TENM3: variants seen among roughly 807,000 people sequenced by gnomAD.
TENM3 encodes the protein teneurin-3.
Under a neutral mutation model 255.1 loss-of-function variants are expected in TENM3, and 63 were observed. The ratio of observed to expected loss-of-function variants is 0.25; its 90% confidence interval spans 0.20 to 0.30. The LOEUF is 0.30. Ranked by LOEUF, TENM3 falls within the 10% of genes least tolerant of loss-of-function variation. The pLI is 1.00. For synonymous variants in TENM3, 1,306 were observed against 1,322.3 expected (o/e 0.99, Z 0.27); for missense variants, 2,929 against 3,461.1 (o/e 0.85, Z 3.86).
At chr4:182,213,796 T>C (rs1446467251) in intron 1 of TENM3, among the ~76,000 whole-genome samples, 3 of 152,192 alleles carry the variant, frequency 2.0e-5, no homozygotes, top group African/African-American at 7.2e-5. Flanking sequence ...AGCTTTTATT[T>C]ATTTTTCATG....
At chr4:182,561,237 T>C (rs951685243) in intron 3 of TENM3, among the ~76,000 whole-genome samples, 6 of 151,930 alleles carry the variant, frequency 3.9e-5, no homozygotes, top group Non-Finnish European at 8.8e-5. Flanking sequence ...TTATTAAAAA[T>C]TGTATTTATG....
At chr4:181,863,025 T>G in the TENM3 span, among the ~76,000 whole-genome samples, 1 of 152,174 alleles carries the variant, frequency 6.6e-6, no homozygotes, top group African/African-American at 2.4e-5. Flanking sequence ...AAAATGTTAA[T>G]ACTTTTGGGG....
the TENM3 span, among the ~76,000 whole-genome samples, chr4:181,568,588 A>G: frequency 1.3e-5 from 2 of 152,124 alleles, no homozygotes; most frequent in African/African-American, 4.8e-5. Context: ...AACCCCAAGC[A>G]AACTCCTCAG....
chr4:182,508,245 G>A (rs1411372277), intron 3 of TENM3, among the ~76,000 whole-genome samples: 1 of 152,134 alleles, frequency 6.6e-6, no homozygotes, highest in Non-Finnish European at 1.5e-5. Flanking sequence ...GATGGTTTTT[G>A]GAAGGCTCAC....
chr4:181,699,472 A>AAAAAAAAAAAAAAAAAAT, the TENM3 span, among the ~76,000 whole-genome samples: 3 of 133,000 alleles, frequency 2.3e-5, no homozygotes, highest in Admixed American at 7.9e-5. Context: ...AAAAAAAAAA[A>AAAAAAAAAAAAAAAAAAT]GAAAGAAAGA....
intron 1 of TENM3, among the ~76,000 whole-genome samples, chr4:182,171,899 A>C (rs746397667): frequency 6.7e-6 from 1 of 150,258 alleles, no homozygotes; most frequent in Non-Finnish European, 1.5e-5. Context: ...AAAATATTTA[A>C]ATTTTCTGTA....
chr4:182,100,040 T>C, the TENM3 span, among the ~76,000 whole-genome samples: 355 of 152,248 alleles, frequency 2.3e-3, 1 homozygote, highest in African/African-American at 7.9e-3. Context: ...GTAAATCAAC[T>C]GCAGGTAAGT....
At chr4:182,636,413 T>C (rs1269878924) in intron 5 of TENM3, among the ~76,000 whole-genome samples, 1 of 152,158 alleles carries the variant, frequency 6.6e-6, no homozygotes, top group Non-Finnish European at 1.5e-5. Flanking sequence ...TAGTTTGATA[T>C]GAGGTCAGCT....
the TENM3 span, among the ~76,000 whole-genome samples, chr4:181,904,072 T>C: frequency 6.6e-6 from 1 of 152,172 alleles, no homozygotes; most frequent in Non-Finnish European, 1.5e-5. Context: ...AGTTGAAAAC[T>C]GAGCTCTTGA....
the TENM3 span, among the ~76,000 whole-genome samples, chr4:181,609,637 T>C: frequency 6.6e-6 from 1 of 152,276 alleles, no homozygotes. Context: ...AATGACCACA[T>C]ATGTTGTGCA....
intron 3 of TENM3, among the ~76,000 whole-genome samples, chr4:182,559,000 T>A (rs1208037788): frequency 6.6e-6 from 1 of 152,200 alleles, no homozygotes; most frequent in East Asian, 1.9e-4. Flanking sequence ...TGCAATTCCA[T>A]TGGCATCATA....
chr4:182,567,529 T>A (rs923651190), intron 3 of TENM3, among the ~76,000 whole-genome samples: 1 of 152,144 alleles, frequency 6.6e-6, no homozygotes, highest in Non-Finnish European at 1.5e-5. Flanking sequence ...TCCTGTTACC[T>A]CTGAACCTCC....
At chr4:182,293,104 A>G (rs1053297867) in intron 1 of TENM3, among the ~76,000 whole-genome samples, 4 of 152,194 alleles carry the variant, frequency 2.6e-5, no homozygotes, top group African/African-American at 7.2e-5. Flanking sequence ...CCACAACCCT[A>G]TGGGTTAGGT....
At chr4:182,446,174 C>A (rs2151285565) in intron 3 of TENM3, among the ~76,000 whole-genome samples, 1 of 152,330 alleles carries the variant, frequency 6.6e-6, no homozygotes, top group Non-Finnish European at 1.5e-5. Flanking sequence ...TGCTACTGCT[C>A]AGCTTCGTTC....
intron 3 of TENM3, among the ~76,000 whole-genome samples, chr4:182,385,819 TATC>T (rs1285595855): frequency 6.6e-6 from 1 of 152,226 alleles, no homozygotes; most frequent in African/African-American, 2.4e-5. Flanking sequence ...TGTTTTAAAT[TATC>T]ATATGAGATA....
chr4:182,545,891 C>A (rs1328846203), intron 3 of TENM3, among the ~76,000 whole-genome samples: 1 of 152,138 alleles, frequency 6.6e-6, no homozygotes, highest in Non-Finnish European at 1.5e-5. Context: ...AGTCAAAATT[C>A]CTCATGTAAC....
intron 1 of TENM3, among the ~76,000 whole-genome samples, chr4:182,301,549 A>C (rs776135970): frequency 6.6e-6 from 1 of 152,212 alleles, no homozygotes; most frequent in Non-Finnish European, 1.5e-5. Context: ...CTCATGAATA[A>C]TCAGTTAAAT....
rs375090823 is a variant in TENM3, at chr4:182,793,734, A to T, written c.7062A>T (p.Glu2354Asp). Reference protein sequence around the residue: ...DPLTKLIHFGERDYDILAGRW... With the variant: ...DPLTKLIHFGDRDYDILAGRW... ...TCACCAAATTAATCCACTTTGGAGA[A>T]AGAGATTATGACATTTTGGCAGGAC... is the stretch of plus-strand genomic sequence containing the variant. Residue 2354 changes from glutamate to aspartate, a missense_variant, in exon 26 of 28, where the codon GAA becomes GAT. Physicochemically the swap from Glu to Asp is conservative, Grantham distance 45 (BLOSUM62 2). Around this residue, in one of 6 missense-constraint regions of TENM3, gnomAD observed 256 missense variants for 389.3 expected, o/e 0.66. Coordinates refer to ENST00000511685, the MANE Select transcript of TENM3 (RefSeq NM_001080477.4). The surrounding 1 kb of genome is among the most constrained non-coding windows in gnomAD (Gnocchi z 5.7). 9.3e-6 allele frequency: 15 copies of T among 1,613,934 alleles called. No individual in the cohort carries two copies. The African/African-American group carries it at 1.9e-4, about 20-fold the overall frequency.
chr4:182,331,231 C>T (rs541100782), intron 2 of TENM3, among the ~76,000 whole-genome samples: 3 of 152,256 alleles, frequency 2.0e-5, no homozygotes, highest in African/African-American at 7.2e-5. Flanking sequence ...TACTCTATTA[C>T]CTATCACCTA....
Sources: allele counts gnomAD v4.1 joint callset (sites outside exome capture counted in the v4.1 genomes callset), GRCh38; gene constraint gnomAD v4.1.1; regional missense constraint gnomAD v4.1.1; non-coding constraint Gnocchi (gnomAD v3.1); transcripts MANE v1.5; gene names NCBI Gene and HGNC (gene_info 2026-07-23, HGNC 2026-07-21).